The following FLVCR2 variants were observed in gnomAD, a reference collection of about 807,000 sequenced individuals.
FLVCR2 encodes choline/ethanolamine transporter FLVCR2.
A neutral mutation model predicts 48.9 loss-of-function variants in FLVCR2; 38 were observed. That is an observed-to-expected ratio of 0.78 (90% confidence interval 0.60 to 1.02). The LOEUF (loss-of-function observed/expected upper bound fraction) is 1.02, where lower values mean the gene tolerates loss of function less well. Among genes scored for constraint, FLVCR2 ranks in the 50% least tolerant of loss-of-function variants. The pLI is 0.00. For synonymous variants in FLVCR2, 255 were observed against 257.0 expected (o/e 0.99, Z 0.07); for missense variants, 664 against 663.3 (o/e 1.00, Z -0.01).
intron 1 of FLVCR2, among the ~76,000 whole-genome samples, chr14:75,604,615 TA>T (rs1170911738): frequency 6.6e-6 from 1 of 151,952 alleles, no homozygotes; most frequent in Non-Finnish European, 1.5e-5. Flanking sequence ...CCATCATCAA[TA>T]AAGGTAATCG....
intron 1 of FLVCR2, among the ~76,000 whole-genome samples, chr14:75,610,643 G>A (rs113493774): frequency 8.1e-4 from 124 of 152,346 alleles, no homozygotes; most frequent in African/African-American, 2.8e-3. Context: ...TAAACCGGGT[G>A]AGAGTGAGCT....
rs748956106 is a variant in FLVCR2 at position 75,646,396 on chromosome 14, T to C, written c.1510-5T>C. 1 of 1,612,358 alleles carries C rather than the reference T, an allele frequency of 6.2e-7. No homozygotes were observed. The highest frequency in any genetic ancestry group is 8.5e-7 in the Non-Finnish European group (1 of 1,178,540). Reference sequence around the variant, plus strand: ...ACAGCACTGCCTGTTTGTTTTGCTTTATAGAAACTCCAAGAGGAGGAGGAG... The same window carrying C: ...ACAGCACTGCCTGTTTGTTTTGCTTCATAGAAACTCCAAGAGGAGGAGGAG... On this transcript the variant is annotated splice_region_variant and splice_polypyrimidine_tract_variant and intron_variant, in intron 9 of 9. Coordinates refer to ENST00000238667, the MANE Select transcript of FLVCR2 (RefSeq NM_017791.3).
At chr14:75,586,447 G>T (rs371909624) in intron 1 of FLVCR2, among the ~76,000 whole-genome samples, 8 of 152,338 alleles carry the variant, frequency 5.3e-5, no homozygotes, top group African/African-American at 1.9e-4. Context: ...GGATGTATAC[G>T]TGCAAGTCAG....
Position 75,636,289 on chromosome 14 carries a change from G to C in FLVCR2, c.1124+1276G>C, listed in dbSNP as rs193093296. Among the ~76,000 whole-genome samples, 442 of 152,236 alleles carry C rather than the reference G, an allele frequency of 2.9e-3. 5 individuals are homozygous for C. Among genetic ancestry groups the C allele is most frequent in the Non-Finnish European group, 4.7e-3 (320 of 68,000 alleles). On this transcript the variant is annotated intron_variant, in intron 5 of 9. Coordinates refer to ENST00000238667, the MANE Select transcript of FLVCR2 (RefSeq NM_017791.3). Reference sequence around the variant, plus strand: ...CTCATTCTGGCTGCCCTAATCAAAGGCCAATTGAGACCATCCCTAGGGAGG... The same window carrying C: ...CTCATTCTGGCTGCCCTAATCAAAGCCCAATTGAGACCATCCCTAGGGAGG...
At chr14:75,620,192 C>T (rs1335155635) in intron 1 of FLVCR2, among the ~76,000 whole-genome samples, 1 of 152,148 alleles carries the variant, frequency 6.6e-6, no homozygotes, top group Non-Finnish European at 1.5e-5. Flanking sequence ...TGGTTTCTAC[C>T]TTCAATTAAA....
intron 5 of FLVCR2, among the ~76,000 whole-genome samples, chr14:75,638,296 G>A (rs554164232): frequency 6.6e-5 from 10 of 152,210 alleles, no homozygotes; most frequent in African/African-American, 2.2e-4. Flanking sequence ...AATTAGCCAC[G>A]TATGGTGGCG....
At chr14:75,591,529 C>T (rs1390573609) in intron 1 of FLVCR2, among the ~76,000 whole-genome samples, 2 of 151,052 alleles carry the variant, frequency 1.3e-5, no homozygotes, top group African/African-American at 4.9e-5. Flanking sequence ...CTGGACATAG[C>T]CCACATGGCT....
intron 1 of FLVCR2, among the ~76,000 whole-genome samples, chr14:75,612,139 A>C (rs1361650914): frequency 6.6e-6 from 1 of 152,220 alleles, no homozygotes; most frequent in Non-Finnish European, 1.5e-5. Context: ...ATAATTAAAA[A>C]ATAAAATGAT....
At chr14:75,606,075 G>A (rs10135260) in intron 1 of FLVCR2, 71,954 of 179,734 alleles carry the variant, frequency 0.4, 19,343 homozygotes, top group African/African-American at 0.77. Flanking sequence ...GCTGGAGTGC[G>A]GTAGCATGAT....
chr14:75,602,382 G>C (rs777441699), intron 1 of FLVCR2, among the ~76,000 whole-genome samples: 11 of 152,182 alleles, frequency 7.2e-5, no homozygotes, highest in Non-Finnish European at 1.5e-4. Context: ...AGGGGGTAGA[G>C]GGATGGGGTT....
chr14:75,635,110 C>A (rs1890134352), intron 5 of FLVCR2, 97 bp downstream of exon 5: 1 of 819,820 alleles, frequency 1.2e-6, no homozygotes, highest in African/African-American at 1.7e-5. Flanking sequence ...TTTGGAGATC[C>A]TAGTGGCCAA....
At chr14:75,621,962 G>T in intron 1 of FLVCR2, 117 bp from the exon 2 acceptor site, 3 of 1,041,984 alleles carry the variant, frequency 2.9e-6, no homozygotes, top group Non-Finnish European at 4.5e-6. Flanking sequence ...TCCCTGCATG[G>T]GTGTTAGGAA....
intron 1 of FLVCR2, among the ~76,000 whole-genome samples, chr14:75,613,143 T>G (rs1889503765): frequency 6.6e-6 from 1 of 152,082 alleles, no homozygotes; most frequent in African/African-American, 2.4e-5. Flanking sequence ...AGATGGAGCT[T>G]GTGTTAGTCC....
At chr14:75,612,615 G>A (rs1300456297) in intron 1 of FLVCR2, among the ~76,000 whole-genome samples, 3 of 152,162 alleles carry the variant, frequency 2.0e-5, no homozygotes, top group Admixed American at 2.0e-4. Context: ...TCATATGAGC[G>A]GTCTTTGCCT....
At chr14:75,592,809 T>C (rs891597227) in intron 1 of FLVCR2, among the ~76,000 whole-genome samples, 4 of 151,874 alleles carry the variant, frequency 2.6e-5, no homozygotes, top group African/African-American at 9.7e-5. Context: ...GCCAACATGG[T>C]GAAACCCCAC....
At chr14:75,643,274 T>C (rs1197740277) in intron 9 of FLVCR2, among the ~76,000 whole-genome samples, 1 of 152,230 alleles carries the variant, frequency 6.6e-6, no homozygotes, top group Non-Finnish European at 1.5e-5. Context: ...TTACAAATAA[T>C]ATTGTGATTA....
chr14:75,641,847 C>T lies in FLVCR2; in HGVS notation c.1458C>T (p.Phe486=), dbSNP rs1890313842. 6.2e-7 allele frequency: 1 copy of T among 1,613,650 alleles called. No homozygotes were observed. The highest frequency in any genetic ancestry group is 1.3e-5 in the African/African-American group (1 of 75,050). ...TTCTCAATCTATCAACCTTAGCATTCATTAAGGCAGATCTCCGGAGACAGA... is the reference window on the plus strand; with the variant it reads ...TTCTCAATCTATCAACCTTAGCATTTATTAAGGCAGATCTCCGGAGACAGA... ...FLTLGAALTA[F]IKADLRRQKA... The change falls in exon 9 of 10, where the codon TTC becomes TTT. Residue 486 remains phenylalanine (F), a synonymous_variant. Transcript: ENST00000238667.
chr14:75,621,629 T>C (rs986778415), intron 1 of FLVCR2, among the ~76,000 whole-genome samples: 1 of 152,228 alleles, frequency 6.6e-6, no homozygotes, highest in Non-Finnish European at 1.5e-5. Context: ...CTTCCAACTC[T>C]TACTGAATGC....
intron 5 of FLVCR2, among the ~76,000 whole-genome samples, chr14:75,636,042 A>G (rs1033903219): frequency 6.6e-6 from 1 of 152,166 alleles, no homozygotes; most frequent in Non-Finnish European, 1.5e-5. Context: ...CAGCAGCCCA[A>G]CATCCTTCCC....
Sources: allele counts gnomAD v4.1 joint callset (sites outside exome capture counted in the v4.1 genomes callset), GRCh38; gene constraint gnomAD v4.1.1; transcripts MANE v1.5; gene names NCBI Gene and HGNC (gene_info 2026-07-23, HGNC 2026-07-21).